POLN: variants seen among roughly 807,000 people sequenced by gnomAD.
POLN encodes the protein DNA polymerase N.
A neutral mutation model predicts 113.5 loss-of-function variants in POLN; 108 were observed. The observed-to-expected ratio is 0.95, with a 90% CI of 0.81 to 1.12. The LOEUF (loss-of-function observed/expected upper bound fraction) is 1.12, where lower values mean the gene tolerates loss of function less well. Among genes scored for constraint, POLN ranks in the 50% most tolerant of loss-of-function variants. The probability of loss-of-function intolerance (pLI) is 0.00; values close to 1 mark genes in which losing one functional copy is unlikely to be tolerated. For missense variants in POLN, 1,097 were observed against 1,077.1 expected (o/e 1.02, Z -0.26); for synonymous variants, 386 against 391.5 (o/e 0.99, Z 0.17).
At chr4:2,137,798 C>G (rs190241382) in intron 16 of POLN, among the ~76,000 whole-genome samples, 1 of 152,140 alleles carries the variant, frequency 6.6e-6, no homozygotes, top group Non-Finnish European at 1.5e-5. Context: ...CTCATGCCCT[C>G]TATCTCCAAG....
At chr4:2,097,575 C>T (rs539489161) in intron 19 of POLN, among the ~76,000 whole-genome samples, 28 of 152,256 alleles carry the variant, frequency 1.8e-4, no homozygotes, top group African/African-American at 6.0e-4. Context: ...GTCTCAAACT[C>T]CTGACCTCGT....
intron 13 of POLN, among the ~76,000 whole-genome samples, chr4:2,160,069 C>G (rs776284134): frequency 2.0e-5 from 3 of 152,196 alleles, no homozygotes; most frequent in Non-Finnish European, 2.9e-5. Context: ...GTTTATACCC[C>G]TTTCAGCAAA....
At chr4:2,133,155 A>AAG (rs907755830) in intron 16 of POLN, among the ~76,000 whole-genome samples, 10 of 151,604 alleles carry the variant, frequency 6.6e-5, no homozygotes, top group African/African-American at 2.4e-4. Flanking sequence ...TGGCAAAAAA[A>AAG]AAAAAAAATA....
At chr4:2,137,971 T>C (rs1032097993) in intron 16 of POLN, among the ~76,000 whole-genome samples, 2 of 152,126 alleles carry the variant, frequency 1.3e-5, no homozygotes, top group African/African-American at 4.8e-5. Context: ...CCCGAGTAGC[T>C]GGGATTATAG....
At chr4:2,136,641 G>A (rs1009627922) in intron 16 of POLN, among the ~76,000 whole-genome samples, 2 of 152,236 alleles carry the variant, frequency 1.3e-5, no homozygotes, top group African/African-American at 2.4e-5. Context: ...GTAGCTGTTA[G>A]TGGAATGCTA....
Position 2,093,715 on chromosome 4 carries a change from A to C in POLN, c.2065+2136T>G, listed in dbSNP as rs1345046923. 6.6e-6 allele frequency among the ~76,000 whole-genome samples: 1 copy of C among 152,216 alleles called. No individual in the cohort carries two copies. Among genetic ancestry groups the C allele is most frequent in the Non-Finnish European group, 1.5e-5 (1 of 68,028 alleles). ...GGGGTGCAGCACAGAAGAGGCTGAG[A>C]GGAGGCAGTGGACCAAGCAACTCTG... On this transcript the variant is annotated intron_variant, in intron 20 of 25. Coordinates refer to ENST00000511885, the MANE Select transcript of POLN (RefSeq NM_181808.4). The surrounding 1 kb of genome is among the most constrained non-coding windows in gnomAD (Gnocchi z 4.1).
At chr4:2,073,808 C>T (rs959956307) in intron 24 of POLN, among the ~76,000 whole-genome samples, 2 of 152,224 alleles carry the variant, frequency 1.3e-5, no homozygotes, top group African/African-American at 4.8e-5. Flanking sequence ...CCCAGCAGAG[C>T]GAGGGTCTCC....
intron 2 of POLN, 89 bp downstream of exon 2, chr4:2,241,431 A>G (rs1230494114): frequency 1.1e-6 from 1 of 902,562 alleles, no homozygotes; most frequent in Non-Finnish European, 1.3e-6. Context: ...AGCCACCAGG[A>G]GGCTAGGCAG....
intron 16 of POLN, among the ~76,000 whole-genome samples, chr4:2,137,254 A>T (rs1731880037): frequency 6.6e-6 from 1 of 152,244 alleles, no homozygotes; most frequent in Non-Finnish European, 1.5e-5. Flanking sequence ...CTAGAGTAAC[A>T]CATCTATTGA....
chr4:2,091,793 G>A (rs1285452354), intron 20 of POLN, among the ~76,000 whole-genome samples: 6 of 127,456 alleles, frequency 4.7e-5, no homozygotes, highest in African/African-American at 1.9e-4. Context: ...GTGTGTGTGT[G>A]TGTGTGTGCG....
At chr4:2,239,958 A>G in intron 2 of POLN, 3 of 1,078,360 alleles carry the variant, frequency 2.8e-6, no homozygotes, top group Non-Finnish European at 4.1e-6. Flanking sequence ...CACCATTCTA[A>G]AGTACTTTAA....
rs1730398045 is a variant in POLN, at chr4:2,080,939, G to C, written c.2387+19C>G. On this transcript the variant is annotated intron_variant, in intron 23 of 25. Coordinates refer to ENST00000511885, the MANE Select transcript of POLN (RefSeq NM_181808.4). ...ACTAACCCTCCCATCCAAGCCCTGG[G>C]AGACCACCACCCACTGACCTGGCCG... The C allele has an allele frequency of 1.2e-6, 2 of 1,613,708 alleles. No individual in the cohort carries two copies. The highest frequency in any genetic ancestry group is 1.7e-6 in the Non-Finnish European group (2 of 1,179,954).
intron 13 of POLN, among the ~76,000 whole-genome samples, chr4:2,164,802 C>CAAAAAA (rs33935159): frequency 1.7e-4 from 5 of 28,722 alleles, no homozygotes; most frequent in Non-Finnish European, 1.4e-4. Flanking sequence ...GACTCTGTCT[C>CAAAAAA]AAAAAAAAAA....
intron 5 of POLN, among the ~76,000 whole-genome samples, chr4:2,205,293 C>T (rs1171808013): frequency 6.6e-6 from 1 of 152,144 alleles, no homozygotes; most frequent in East Asian, 1.9e-4. Flanking sequence ...TATACACTAA[C>T]AGTGACTAAG....
chr4:2,235,092 G>A (rs985689530), intron 2 of POLN, among the ~76,000 whole-genome samples: 5 of 152,176 alleles, frequency 3.3e-5, no homozygotes, highest in African/African-American at 1.2e-4. Flanking sequence ...CACCACCTTG[G>A]CCAGGCTGGT....
At position 2,085,629 on chromosome 4, in the gene POLN, G is replaced by C; in HGVS notation, c.2181C>G (p.Ala727=). ...CCAACTCACCTGTCTGGTGACACTG[G>C]GCAATAGCTGCTCGGGCGAAGTCCT... is the stretch of plus-strand genomic sequence containing the variant. ...KIKDFARAAI[A]QCHQTGCVVS... is the part of the protein sequence containing the mutation. Residue 727 remains alanine (A), a synonymous_variant, in exon 21 of 26, where the codon GCC becomes GCG. Transcript: ENST00000511885. 1.2e-6 allele frequency: 2 copies of C among 1,614,002 alleles called. No homozygotes were observed. The highest frequency in any genetic ancestry group is 1.7e-6 in the Non-Finnish European group (2 of 1,180,028).
chr4:2,225,216 C>T (rs1234820134), intron 3 of POLN, among the ~76,000 whole-genome samples: 1 of 150,898 alleles, frequency 6.6e-6, no homozygotes, highest in Non-Finnish European at 1.5e-5. Flanking sequence ...GTTCGACAAG[C>T]AAAAAAAACC....
In POLN at chr4:2,242,093, C is replaced by G; in HGVS notation, c.-326G>C. The G allele has an allele frequency of 3.0e-6, 3 of 985,912 alleles. No individual in the cohort carries two copies. The highest frequency in any genetic ancestry group is 3.6e-6 in the Non-Finnish European group (3 of 830,288). 61.1% of individuals were successfully genotyped at this position (985,912 alleles called of 1,614,324 possible). A position where few individuals can be genotyped will look rare whatever the true frequency, so the allele number is the denominator to read the frequency against. ...GCTTCTCGCAGGAGCCCGCCGCCACCGCCCTCCGTGCCCCGCGCGCCTCGC... is the reference window on the plus strand; with the variant it reads ...GCTTCTCGCAGGAGCCCGCCGCCACGGCCCTCCGTGCCCCGCGCGCCTCGC... On this transcript the variant is annotated 5_prime_UTR_variant, in exon 1 of 26. Coordinates refer to ENST00000511885, the MANE Select transcript of POLN (RefSeq NM_181808.4).
intron 6 of POLN, among the ~76,000 whole-genome samples, chr4:2,196,560 T>G (rs1485181565): frequency 4.6e-5 from 7 of 152,052 alleles, no homozygotes; most frequent in Non-Finnish European, 1.0e-4. Flanking sequence ...TAGAAGGACA[T>G]TTTTGAGACA....
Sources: allele counts gnomAD v4.1 joint callset (sites outside exome capture counted in the v4.1 genomes callset), GRCh38; gene constraint gnomAD v4.1.1; non-coding constraint Gnocchi (gnomAD v3.1); transcripts MANE v1.5; gene names NCBI Gene and HGNC (gene_info 2026-07-23, HGNC 2026-07-21).